The following TM2D1 variants were observed in gnomAD, a reference collection of about 807,000 sequenced individuals.
TM2D1 encodes the protein TM2 domain-containing protein 1.
Under a neutral mutation model 28.4 loss-of-function variants are expected in TM2D1, and 15 were observed. The observed-to-expected ratio is 0.53, with a 90% CI of 0.35 to 0.81. The LOEUF is 0.81. TM2D1 is among the 40% of genes least tolerant of loss of function. TM2D1 has a pLI of 0.01. For missense variants in TM2D1, 236 were observed against 254.9 expected (o/e 0.93, Z 0.50); for synonymous variants, 93 against 96.2 (o/e 0.97, Z 0.20).
intron 4 of TM2D1, among the ~76,000 whole-genome samples, chr1:61,695,198 C>A (rs1644354908): frequency 6.6e-6 from 1 of 150,600 alleles, no homozygotes; most frequent in Non-Finnish European, 1.5e-5. Flanking sequence ...AATTGTCATG[C>A]CAAAAAAAAA....
chr1:61,708,573 T>A (rs1245062337), intron 3 of TM2D1, among the ~76,000 whole-genome samples: 1 of 152,230 alleles, frequency 6.6e-6, no homozygotes, highest in Admixed American at 6.5e-5. Context: ...TTTTGAATTC[T>A]GTTTAACATT....
intron 2 of TM2D1, among the ~76,000 whole-genome samples, chr1:61,713,199 C>A (rs532175440): frequency 1.4e-5 from 2 of 143,700 alleles, no homozygotes; most frequent in Non-Finnish European, 3.1e-5. Flanking sequence ...GAATCTAGGC[C>A]GGGTGCAGCG....
intron 5 of TM2D1, among the ~76,000 whole-genome samples, chr1:61,691,054 C>T (rs1432887534): frequency 1.3e-5 from 2 of 152,146 alleles, no homozygotes; most frequent in Non-Finnish European, 2.9e-5. Context: ...AGCATACTTC[C>T]AATAACTTTC....
At chr1:61,717,086 C>T (rs763415740) in intron 2 of TM2D1, among the ~76,000 whole-genome samples, 1 of 152,078 alleles carries the variant, frequency 6.6e-6, no homozygotes, top group South Asian at 2.1e-4. Flanking sequence ...CAGTGGCTCA[C>T]GCCTGGAATC....
At chr1:61,683,605 G>C in intron 5 of TM2D1, 59 bp from the exon 6 acceptor site, 1 of 859,512 alleles carries the variant, frequency 1.2e-6, no homozygotes, top group Non-Finnish European at 1.8e-6. Context: ...ACAGCACTTT[G>C]TTTACTTTTC....
At chr1:61,681,880 T>C (rs1447658237) in intron 6 of TM2D1, among the ~76,000 whole-genome samples, 1 of 152,224 alleles carries the variant, frequency 6.6e-6, no homozygotes, top group Non-Finnish European at 1.5e-5. Flanking sequence ...TTGCACTAAT[T>C]AGTTGCGTAT....
intron 2 of TM2D1, among the ~76,000 whole-genome samples, chr1:61,715,994 A>G (rs1457635697): frequency 6.6e-6 from 1 of 150,472 alleles, no homozygotes; most frequent in African/African-American, 2.4e-5. Context: ...TTTAGTAGAG[A>G]CGGGGTTTCA....
At chr1:61,695,859 C>A (rs1644359449) in intron 4 of TM2D1, among the ~76,000 whole-genome samples, 1 of 152,182 alleles carries the variant, frequency 6.6e-6, no homozygotes, top group Non-Finnish European at 1.5e-5. Flanking sequence ...TCAAAACATT[C>A]ACTTACCTAA....
At chr1:61,697,431 C>T (rs1264087990) in intron 4 of TM2D1, 1 of 151,882 alleles carries the variant, frequency 6.6e-6, no homozygotes, top group Admixed American at 6.6e-5. Context: ...TCTTGAACTC[C>T]TGGCCTCAAC....
intron 2 of TM2D1, among the ~76,000 whole-genome samples, chr1:61,718,621 C>T (rs1302469074): frequency 6.6e-6 from 1 of 152,046 alleles, no homozygotes; most frequent in Non-Finnish European, 1.5e-5. Context: ...GTAGAAAAAG[C>T]TAAGTGATAA....
chr1:61,710,848 A>T (rs1013494415), intron 2 of TM2D1, among the ~76,000 whole-genome samples: 1 of 152,156 alleles, frequency 6.6e-6, no homozygotes, highest in African/African-American at 2.4e-5. Flanking sequence ...AGAATAGTAC[A>T]CTGAGAAAAC....
chr1:61,723,608 C>T (rs1460703263), intron 2 of TM2D1, 105 bp downstream of exon 2: 1 of 538,692 alleles, frequency 1.9e-6, no homozygotes, highest in Non-Finnish European at 3.2e-6. Flanking sequence ...ATAATGTTAT[C>T]ATTTAGAAAA....
Position 61,709,503 on chromosome 1 carries a change from T to C in TM2D1, c.239-66A>G, listed in dbSNP as rs956006731. 4.5e-6 allele frequency: 5 copies of C among 1,117,286 alleles called. 1 individual carries two copies. In the East Asian group the frequency reaches 7.3e-5, roughly 16 times the overall value. 69.2% of individuals were successfully genotyped at this position (1,117,286 alleles called of 1,614,324 possible). A position where few individuals can be genotyped will look rare whatever the true frequency, so the allele number is the denominator to read the frequency against. On this transcript the variant is annotated intron_variant, in intron 2 of 6. Transcript: ENST00000606498. The stretch of plus-strand genomic sequence containing the variant: ...CTGGAGAAACAGTATGTAATTGTTC[T>C]AAGACTAGCAAATATGTTATAACAA...
intron 3 of TM2D1, among the ~76,000 whole-genome samples, chr1:61,708,300 T>C (rs953366468): frequency 3.3e-5 from 5 of 152,172 alleles, no homozygotes; most frequent in Admixed American, 1.3e-4. Context: ...TCTCCTGCAA[T>C]TGGCCTCCCA....
At chr1:61,714,204 A>G (rs2148062431) in intron 2 of TM2D1, among the ~76,000 whole-genome samples, 1 of 150,392 alleles carries the variant, frequency 6.6e-6, no homozygotes, top group East Asian at 2.0e-4. Flanking sequence ...CAAAAACCAA[A>G]TATTTCTAGG....
intron 1 of TM2D1, 86 bp from the exon 2 acceptor site, chr1:61,723,872 T>C (rs184702063): frequency 1.7e-6 from 1 of 578,928 alleles, no homozygotes; most frequent in East Asian, 3.0e-5. Context: ...ATACTCATGT[T>C]GATATTCACA....
At chr1:61,717,215 A>C (rs1278852558) in intron 2 of TM2D1, among the ~76,000 whole-genome samples, 1 of 146,440 alleles carries the variant, frequency 6.8e-6, no homozygotes, top group Non-Finnish European at 1.5e-5. Context: ...AAAAAAAAAA[A>C]CAATTAGCCG....
intron 5 of TM2D1, chr1:61,686,944 C>T: frequency 2.0e-6 from 2 of 984,272 alleles, no homozygotes; most frequent in Non-Finnish European, 2.4e-6. Context: ...AGTAAATTAC[C>T]CCAATACTGG....
chr1:61,719,820 T>C (rs1011549960), intron 2 of TM2D1, among the ~76,000 whole-genome samples: 1 of 152,208 alleles, frequency 6.6e-6, no homozygotes, highest in African/African-American at 2.4e-5. Flanking sequence ...TATACTACTC[T>C]TATTCTTCTA....
Sources: allele counts gnomAD v4.1 joint callset (sites outside exome capture counted in the v4.1 genomes callset), GRCh38; gene constraint gnomAD v4.1.1; transcripts MANE v1.5; gene names NCBI Gene and HGNC (gene_info 2026-07-23, HGNC 2026-07-21).